MAPK10: variants seen among roughly 807,000 people sequenced by gnomAD.
The protein encoded by MAPK10 is JNK3 alpha protein kinase.
Under a neutral mutation model 59.3 loss-of-function variants are expected in MAPK10, and 25 were observed. The observed-to-expected ratio is 0.42, with a 90% CI of 0.31 to 0.59. The LOEUF (loss-of-function observed/expected upper bound fraction) is 0.59. Ranked by LOEUF, MAPK10 falls within the 20% of genes least tolerant of loss-of-function variation. The pLI, the probability that MAPK10 is intolerant of heterozygous loss-of-function variation, is 0.15. For missense variants in MAPK10, 351 were observed against 568.9 expected, an observed-to-expected ratio of 0.62 and a Z score of 3.90; for synonymous variants, 190 against 200.5, an observed-to-expected ratio of 0.95 and a Z score of 0.44.
chr4:86,402,779 T>C (rs1466745156), intron 1 of MAPK10, among the ~76,000 whole-genome samples: 2 of 152,124 alleles, frequency 1.3e-5, no homozygotes, highest in Admixed American at 6.6e-5. Flanking sequence ...GGCCATTCGG[T>C]GGCCTCAAGT....
chr4:86,312,631 G>A lies in MAPK10; in HGVS notation c.-7+41899C>T, dbSNP rs368097798. On this transcript the variant is annotated intron_variant, in intron 2 of 13. Coordinates refer to ENST00000641462, the MANE Select transcript of MAPK10 (RefSeq NM_138982.4). ...TGATTTAGATGAAACAATGTAAATA[G>A]GGACTGCAGGATATTAAGTGATATC... 4.6e-5 allele frequency among the ~76,000 whole-genome samples: 7 copies of A among 152,164 alleles called. No homozygotes were observed. In the East Asian group the frequency reaches 1.4e-3, roughly 29 times the overall value.
chr4:86,471,073 A>G (rs1363303049), intron 1 of MAPK10, among the ~76,000 whole-genome samples: 2 of 152,158 alleles, frequency 1.3e-5, no homozygotes, highest in East Asian at 3.9e-4. Flanking sequence ...GTTCAAGACC[A>G]GCCTGACCAA....
intron 3 of MAPK10, among the ~76,000 whole-genome samples, chr4:86,168,426 A>G (rs6849947): frequency 0.085 from 12,906 of 152,262 alleles, 1,215 homozygotes; most frequent in African/African-American, 0.23. Flanking sequence ...ACCTGGCTTG[A>G]AGGGTCCTAC....
intron 4 of MAPK10, chr4:86,107,800 T>C: frequency 3.7e-6 from 1 of 269,334 alleles, no homozygotes; most frequent in Non-Finnish European, 5.7e-6. Context: ...CTATAAAATT[T>C]CATTGTTCTT....
At chr4:86,077,958 C>G (rs975243022) in intron 9 of MAPK10, among the ~76,000 whole-genome samples, 5 of 152,156 alleles carry the variant, frequency 3.3e-5, no homozygotes, top group Admixed American at 3.3e-4. Context: ...AATTGAAGCA[C>G]ATATGCCATG....
At chr4:86,087,787 C>CAT (rs894482073) in intron 9 of MAPK10, among the ~76,000 whole-genome samples, 3 of 151,214 alleles carry the variant, frequency 2.0e-5, no homozygotes, top group South Asian at 2.1e-4. Flanking sequence ...TGTATGAAGC[C>CAT]ATATATATAT....
intron 2 of MAPK10, among the ~76,000 whole-genome samples, chr4:86,299,256 C>T (rs2095424873): frequency 6.6e-6 from 1 of 152,154 alleles, no homozygotes. Flanking sequence ...AGATTACAGA[C>T]TTGGTTTTTG....
intron 2 of MAPK10, among the ~76,000 whole-genome samples, chr4:86,285,969 A>G (rs1047817531): frequency 1.3e-5 from 2 of 152,230 alleles, no homozygotes; most frequent in Non-Finnish European, 2.9e-5. Context: ...CAGGCCCTCA[A>G]CAGATTGGAT....
At chr4:86,354,890 G>A (rs892029881) in intron 1 of MAPK10, among the ~76,000 whole-genome samples, 1 of 152,092 alleles carries the variant, frequency 6.6e-6, no homozygotes, top group African/African-American at 2.4e-5. Flanking sequence ...TCTTATTTCA[G>A]TTAATATAAT....
chr4:86,075,778 G>A (rs1417857254), intron 9 of MAPK10, among the ~76,000 whole-genome samples: 1 of 152,152 alleles, frequency 6.6e-6, no homozygotes, highest in Admixed American at 6.5e-5. Context: ...CGTGCTGGGA[G>A]AACCACTGCT....
intron 2 of MAPK10, among the ~76,000 whole-genome samples, chr4:86,238,245 G>A (rs1046646142): frequency 2.6e-5 from 4 of 152,238 alleles, no homozygotes; most frequent in South Asian, 2.1e-4. Context: ...TTTGGTTACT[G>A]TAGCCTTGTA....
intron 1 of MAPK10, among the ~76,000 whole-genome samples, chr4:86,579,654 T>C (rs549062975): frequency 1.2e-4 from 19 of 152,308 alleles, no homozygotes; most frequent in Admixed American, 1.2e-3. Context: ...ACCTTGAAGA[T>C]ACTTATCATT....
chr4:86,208,664 C>T (rs1004270423), intron 2 of MAPK10, among the ~76,000 whole-genome samples: 32 of 151,838 alleles, frequency 2.1e-4, no homozygotes, highest in Non-Finnish European at 4.0e-4. Context: ...GAAGCACTCC[C>T]TTTGAAAACT....
At chr4:86,314,102 T>G (rs1006772338) in intron 2 of MAPK10, among the ~76,000 whole-genome samples, 2 of 152,126 alleles carry the variant, frequency 1.3e-5, no homozygotes, top group South Asian at 4.1e-4. Flanking sequence ...TACCATATAA[T>G]GCCATTTATA....
intron 1 of MAPK10, among the ~76,000 whole-genome samples, chr4:86,447,126 G>A (rs1324702928): frequency 2.6e-5 from 4 of 152,096 alleles, no homozygotes; most frequent in Non-Finnish European, 4.4e-5. Flanking sequence ...ATCTCAAATT[G>A]TAATCCCCAG....
chr4:86,482,478 A>T lies in MAPK10; in HGVS notation c.-263+111432T>A, dbSNP rs116245945. On this transcript the variant is annotated intron_variant, in intron 1 of 4. Coordinates refer to the MAPK10 transcript ENST00000502302. ...TTTTCTAGTTACGTGCCATGATTTGAAGGATGGTGGGGGGATGCAGAGGGA... is the reference window on the plus strand; with the variant it reads ...TTTTCTAGTTACGTGCCATGATTTGTAGGATGGTGGGGGGATGCAGAGGGA... Among the ~76,000 whole-genome samples, 1,422 of 152,120 alleles carry T rather than the reference A, an allele frequency of 9.3e-3. 22 individuals carry two copies. Among genetic ancestry groups the T allele is most frequent in the African/African-American group, 0.032 (1,319 of 41,502 alleles).
At chr4:86,147,257 T>C (rs1417238374) in intron 4 of MAPK10, among the ~76,000 whole-genome samples, 1 of 152,104 alleles carries the variant, frequency 6.6e-6, no homozygotes, top group Non-Finnish European at 1.5e-5. Context: ...TGGCTAATTT[T>C]TGTTTTTGTT....
intron 1 of MAPK10, among the ~76,000 whole-genome samples, chr4:86,508,657 T>A (rs1246423161): frequency 2.0e-5 from 3 of 152,206 alleles, no homozygotes; most frequent in Non-Finnish European, 4.4e-5. Context: ...TGTAAATGAT[T>A]TGGCTCTTTT....
chr4:86,551,112 A>G (rs1211730355), intron 1 of MAPK10, among the ~76,000 whole-genome samples: 1 of 152,222 alleles, frequency 6.6e-6, no homozygotes, highest in Non-Finnish European at 1.5e-5. Flanking sequence ...ATTTGTGGCA[A>G]TTTGTAGAGT....
Sources: allele counts gnomAD v4.1 joint callset (sites outside exome capture counted in the v4.1 genomes callset), GRCh38; gene constraint gnomAD v4.1.1; transcripts MANE v1.5; gene names NCBI Gene and HGNC (gene_info 2026-07-23, HGNC 2026-07-21).